The following TMPRSS2 variants were observed in gnomAD, a reference collection of about 807,000 sequenced individuals.
TMPRSS2 encodes the protein transmembrane protease serine 2.
A neutral mutation model predicts 67.4 loss-of-function variants in TMPRSS2; 59 were observed. The observed-to-expected ratio is 0.88, with a 90% CI of 0.71 to 1.09. The LOEUF is 1.09. TMPRSS2 is among the 50% of genes least tolerant of loss of function. The pLI is 0.00. For synonymous variants in TMPRSS2, 257 were observed against 257.0 expected, an observed-to-expected ratio of 1.00 and a Z score of 0.00; for missense variants, 668 against 642.7, an observed-to-expected ratio of 1.04 and a Z score of -0.43.
chr21:41,507,794 C>G (rs534353584), intron 1 of TMPRSS2, among the ~76,000 whole-genome samples: 1 of 152,298 alleles, frequency 6.6e-6, no homozygotes, highest in East Asian at 1.9e-4. Context: ...TAGGGACTCG[C>G]AGGACCACCT....
At chr21:41,481,474 G>T (rs913032846) in intron 5 of TMPRSS2, among the ~76,000 whole-genome samples, 1 of 152,186 alleles carries the variant, frequency 6.6e-6, no homozygotes, top group Admixed American at 6.5e-5. Flanking sequence ...GGAGGGACGG[G>T]CTGGGAGGAG....
chr21:41,466,001 G>T lies in TMPRSS2; in HGVS notation c.*141C>A. 3.8e-6 allele frequency: 4 copies of T among 1,045,918 alleles called. No individual in the cohort carries two copies. Among genetic ancestry groups the T allele is most frequent in the Non-Finnish European group, 5.7e-6 (4 of 699,094 alleles). The allele number at this position is 1,045,918 out of a possible 1,614,324, so 64.8% of individuals were successfully genotyped here. Reference sequence around the variant, plus strand: ...TGCAGCCTGCACAGAATGGCAGAGAGTGCCAAAGCCAGACAAGTTCACTGT... The same window carrying T: ...TGCAGCCTGCACAGAATGGCAGAGATTGCCAAAGCCAGACAAGTTCACTGT... On this transcript the variant is annotated 3_prime_UTR_variant, in exon 14 of 14. Transcript: ENST00000332149.
intron 1 of TMPRSS2, among the ~76,000 whole-genome samples, chr21:41,501,816 C>A (rs541726793): frequency 6.6e-6 from 1 of 152,316 alleles, no homozygotes; most frequent in Admixed American, 6.5e-5. Context: ...CGCATTAACT[C>A]ATTTCTGAAA....
intron 1 of TMPRSS2, among the ~76,000 whole-genome samples, chr21:41,499,692 G>A (rs77014365): frequency 1.4e-4 from 21 of 152,224 alleles, no homozygotes; most frequent in Non-Finnish European, 2.5e-4. Context: ...GTACTCAAGC[G>A]GATCCCAGTC....
At chr21:41,481,216 A>G (rs1230243594) in intron 5 of TMPRSS2, among the ~76,000 whole-genome samples, 1 of 152,236 alleles carries the variant, frequency 6.6e-6, no homozygotes, top group Non-Finnish European at 1.5e-5. Context: ...AGAATAGGAT[A>G]TGTCCAAGAT....
At chr21:41,491,716 C>T (rs138161288) in intron 3 of TMPRSS2, among the ~76,000 whole-genome samples, 5 of 152,314 alleles carry the variant, frequency 3.3e-5, no homozygotes, top group Non-Finnish European at 7.4e-5. Context: ...GTTAGGTATC[C>T]TGAACCTCAC....
chr21:41,484,017 G>A (rs2146458629), intron 5 of TMPRSS2, among the ~76,000 whole-genome samples: 1 of 152,200 alleles, frequency 6.6e-6, no homozygotes, highest in South Asian at 2.1e-4. Context: ...TTTTCAGGAG[G>A]CTGAGGGGGA....
intron 10 of TMPRSS2, among the ~76,000 whole-genome samples, chr21:41,471,316 T>C (rs2091131710): frequency 6.6e-6 from 1 of 152,232 alleles, no homozygotes. Flanking sequence ...GAATGTATCT[T>C]TAAAAATCAA....
At chr21:41,469,499 A>G (rs1034211682) in intron 11 of TMPRSS2, among the ~76,000 whole-genome samples, 2 of 152,076 alleles carry the variant, frequency 1.3e-5, no homozygotes, top group African/African-American at 4.8e-5. Context: ...ACAAGGACCT[A>G]TGCAATCTGG....
intron 9 of TMPRSS2, 60 bp from the exon 10 acceptor site, chr21:41,472,041 A>G: frequency 6.9e-7 from 1 of 1,455,110 alleles, no homozygotes; most frequent in Non-Finnish European, 9.2e-7. Flanking sequence ...TCAGTGGATG[A>G]ACTTCCAACG....
chr21:41,480,663 G>C (rs1473828464), intron 5 of TMPRSS2, 61 bp from the exon 6 acceptor site: 5 of 1,578,300 alleles, frequency 3.2e-6, no homozygotes, highest in Non-Finnish European at 4.3e-6. Flanking sequence ...TTTTGAGACG[G>C]AGTCTCGCTC....
At chr21:41,502,705 A>T (rs1404551786) in intron 1 of TMPRSS2, 1 of 429,184 alleles carries the variant, frequency 2.3e-6, no homozygotes, top group Non-Finnish European at 3.1e-6. Context: ...TTTATGTATA[A>T]TCAGGTAAAT....
At chr21:41,479,102 A>G in intron 7 of TMPRSS2, 70 bp downstream of exon 7, 2 of 1,210,060 alleles carry the variant, frequency 1.7e-6, no homozygotes, top group Non-Finnish European at 2.4e-6. Flanking sequence ...CAGACTCAGG[A>G]CAACGATTCC....
At chr21:41,499,356 G>C (rs889017315) in intron 1 of TMPRSS2, among the ~76,000 whole-genome samples, 14 of 152,226 alleles carry the variant, frequency 9.2e-5, no homozygotes, top group Non-Finnish European at 1.9e-4. Context: ...TTCTTCGCTT[G>C]ATCAAACTTA....
At chr21:41,483,721 C>T (rs1287116666) in intron 5 of TMPRSS2, among the ~76,000 whole-genome samples, 7 of 150,246 alleles carry the variant, frequency 4.7e-5, no homozygotes, top group South Asian at 2.1e-4. Flanking sequence ...CCGGAAGAGA[C>T]GGCAGCTGAT....
intron 13 of TMPRSS2, among the ~76,000 whole-genome samples, chr21:41,466,361 T>C (rs990559720): frequency 2.6e-5 from 4 of 152,228 alleles, no homozygotes; most frequent in Non-Finnish European, 5.9e-5. Flanking sequence ...GGGCAGCGGA[T>C]GTGGAGGCCG....
chr21:41,483,366 C>A (rs1035560506), intron 5 of TMPRSS2, among the ~76,000 whole-genome samples: 2 of 152,062 alleles, frequency 1.3e-5, no homozygotes, highest in Non-Finnish European at 2.9e-5. Context: ...TCACCGCAAC[C>A]TCCACCTCCT....
In TMPRSS2 at chr21:41,488,375, A is replaced by G; in HGVS notation, c.445+19T>C. On this transcript the variant is annotated intron_variant, in intron 5 of 13. Coordinates refer to ENST00000332149, the MANE Select transcript of TMPRSS2 (RefSeq NM_005656.4). The stretch of plus-strand genomic sequence containing the variant: ...AAGGTGAGCAGAGGAGTCCCTTCCC[A>G]AGGTCAAGGCTGACTCACCACACCG... 6.2e-7 allele frequency: 1 copy of G among 1,605,502 alleles called. No individual in the cohort carries two copies. The highest frequency in any genetic ancestry group is 8.5e-7 in the Non-Finnish European group (1 of 1,174,002).
intron 9 of TMPRSS2, among the ~76,000 whole-genome samples, chr21:41,473,008 G>A (rs1225208935): frequency 6.6e-6 from 1 of 152,186 alleles, no homozygotes; most frequent in Non-Finnish European, 1.5e-5. Context: ...GGATACCTCA[G>A]GGGGCAGGGG....
Sources: gnomAD v4.1 joint callset for allele counts (sites outside exome capture counted in the v4.1 genomes callset) on GRCh38, gnomAD v4.1.1 for gene constraint, MANE v1.5 for transcripts, NCBI Gene and HGNC (gene_info 2026-07-23, HGNC 2026-07-21) for gene names.